TUSC3: variants seen among roughly 807,000 people sequenced by gnomAD.
The protein encoded by TUSC3 is dolichyl-diphosphooligosaccharide--protein glycosyltransferase subunit TUSC3.
TUSC3 carries 45 observed loss-of-function variants against 44.8 expected under a neutral mutation model. The observed-to-expected ratio is 1.00, with a 90% CI of 0.79 to 1.29. The LOEUF is 1.29. TUSC3 is among the 50% of genes most tolerant of loss of function. TUSC3 has a pLI of 0.00. For synonymous variants in TUSC3, 212 were observed against 152.9 expected, an observed-to-expected ratio of 1.39 and a Z score of -2.85; for missense variants, 519 against 437.9, an observed-to-expected ratio of 1.19 and a Z score of -1.65.
the TUSC3 span, among the ~76,000 whole-genome samples, chr8:15,776,522 A>G: frequency 6.6e-6 from 1 of 152,060 alleles, no homozygotes; most frequent in African/African-American, 2.4e-5. Flanking sequence ...ATGTCTGTCT[A>G]TTCATATTGG....
At chr8:15,669,564 G>A (rs1807849336) in intron 5 of TUSC3, among the ~76,000 whole-genome samples, 1 of 151,574 alleles carries the variant, frequency 6.6e-6, no homozygotes, top group Admixed American at 6.6e-5. Context: ...TACAAGAATG[G>A]TTTACCATGT....
At chr8:15,495,562 C>G (rs1800869640) in intron 2 of TUSC3, among the ~76,000 whole-genome samples, 2 of 152,100 alleles carry the variant, frequency 1.3e-5, no homozygotes, top group African/African-American at 4.8e-5. Context: ...TACTCATATT[C>G]TTTGTCTAGC....
intron 8 of TUSC3, among the ~76,000 whole-genome samples, chr8:15,744,893 A>T (rs1354587301): frequency 2.0e-5 from 3 of 152,076 alleles, no homozygotes; most frequent in Non-Finnish European, 2.9e-5. Flanking sequence ...TAAGGATCTC[A>T]TCACCCAATA....
chr8:15,660,059 A>T (rs976766695), intron 4 of TUSC3, among the ~76,000 whole-genome samples: 4 of 152,086 alleles, frequency 2.6e-5, no homozygotes, highest in Non-Finnish European at 5.9e-5. Context: ...TGCTTTTGGG[A>T]CTATAAATTG....
chr8:15,650,072 GA>G (rs1806821931), intron 2 of TUSC3, among the ~76,000 whole-genome samples: 1 of 152,108 alleles, frequency 6.6e-6, no homozygotes, highest in Non-Finnish European at 1.5e-5. Flanking sequence ...GTTCAAAGTA[GA>G]AACAAATATC....
intron 7 of TUSC3, among the ~76,000 whole-genome samples, chr8:15,737,406 C>T (rs1052738738): frequency 2.3e-4 from 35 of 152,214 alleles, no homozygotes; most frequent in African/African-American, 7.9e-4. Flanking sequence ...GTAGAATGCT[C>T]AGTGCCTCTG....
intron 7 of TUSC3, among the ~76,000 whole-genome samples, chr8:15,732,803 A>C (rs1292134197): frequency 6.6e-6 from 1 of 152,116 alleles, no homozygotes; most frequent in Non-Finnish European, 1.5e-5. Flanking sequence ...CCTTTCTGAA[A>C]CTCATTGAAC....
chr8:15,677,818 A>T (rs1219168219), intron 6 of TUSC3, among the ~76,000 whole-genome samples: 1 of 152,184 alleles, frequency 6.6e-6, no homozygotes, highest in Non-Finnish European at 1.5e-5. Flanking sequence ...GGCACTAAGA[A>T]GGGTGCCATG....
intron 1 of TUSC3, among the ~76,000 whole-genome samples, chr8:15,584,831 G>C (rs916598675): frequency 2.0e-5 from 3 of 152,078 alleles, no homozygotes; most frequent in Admixed American, 1.3e-4. Context: ...TATGTACAGG[G>C]TTCTATTGGG....
chr8:15,780,677 T>G, the TUSC3 span, among the ~76,000 whole-genome samples: 1 of 152,202 alleles, frequency 6.6e-6, no homozygotes, highest in African/African-American at 2.4e-5. Flanking sequence ...CCTGGGCACT[T>G]TCTCATCCCT....
At chr8:15,542,721 A>G (rs1219132200) in intron 1 of TUSC3, among the ~76,000 whole-genome samples, 2 of 152,214 alleles carry the variant, frequency 1.3e-5, no homozygotes, top group South Asian at 4.1e-4. Flanking sequence ...CTCGAAATAT[A>G]TTTTTGAAAT....
intron 1 of TUSC3, among the ~76,000 whole-genome samples, chr8:15,424,751 A>AT (rs1030852445): frequency 3.3e-5 from 5 of 152,062 alleles, no homozygotes; most frequent in African/African-American, 1.2e-4. Flanking sequence ...GTGGTGGCAC[A>AT]TGCCTGTGGG....
chr8:15,592,454 T>TG (rs1160672901), intron 1 of TUSC3, among the ~76,000 whole-genome samples: 1 of 152,168 alleles, frequency 6.6e-6, no homozygotes, highest in Non-Finnish European at 1.5e-5. Flanking sequence ...CCCTCATGAA[T>TG]GACATAGTGC....
At chr8:15,603,719 G>T (rs1234971492) in intron 1 of TUSC3, among the ~76,000 whole-genome samples, 1 of 151,454 alleles carries the variant, frequency 6.6e-6, no homozygotes, top group Non-Finnish European at 1.5e-5. Context: ...TATCAGCAAT[G>T]AATGGAATGG....
chr8:15,474,344 C>G (rs985007147), intron 1 of TUSC3, among the ~76,000 whole-genome samples: 2 of 151,822 alleles, frequency 1.3e-5, no homozygotes, highest in Admixed American at 6.6e-5. Flanking sequence ...GATGTACATC[C>G]TCAGCTTACA....
intron 2 of TUSC3, among the ~76,000 whole-genome samples, chr8:15,643,148 A>G (rs985004578): frequency 6.6e-6 from 1 of 152,088 alleles, no homozygotes; most frequent in Non-Finnish European, 1.5e-5. Flanking sequence ...CGCCTTGTGA[A>G]GAAGGTGCCT....
chr8:15,542,105 T>A (rs1219888622), intron 1 of TUSC3, among the ~76,000 whole-genome samples: 1 of 151,922 alleles, frequency 6.6e-6, no homozygotes, highest in Non-Finnish European at 1.5e-5. Flanking sequence ...TTTTATACAT[T>A]TTAGAGAGAC....
At chr8:15,473,057 T>A (rs1462103710) in intron 1 of TUSC3, among the ~76,000 whole-genome samples, 1 of 152,178 alleles carries the variant, frequency 6.6e-6, no homozygotes, top group Non-Finnish European at 1.5e-5. Flanking sequence ...CTTCATGAAG[T>A]TGGATGGAAA....
chr8:15,434,383 C>T (rs1012711138), intron 1 of TUSC3, among the ~76,000 whole-genome samples: 16 of 152,150 alleles, frequency 1.1e-4, no homozygotes, highest in African/African-American at 2.2e-4. Context: ...TTTCTTGCAA[C>T]GCAAATTGTA....
Sources: gnomAD v4.1 joint callset for allele counts (sites outside exome capture counted in the v4.1 genomes callset) on GRCh38, gnomAD v4.1.1 for gene constraint, MANE v1.5 for transcripts, NCBI Gene and HGNC (gene_info 2026-07-23, HGNC 2026-07-21) for gene names.